Variants in COL24A1 observed in about 807,000 individuals in gnomAD.
COL24A1 encodes collagen alpha-1(XXIV) chain.
In COL24A1, 224 loss-of-function variants were observed where a neutral mutation model predicts 253.9. That is an observed-to-expected ratio of 0.88 (90% CI 0.79 to 0.99). The LOEUF (loss-of-function observed/expected upper bound fraction) is 0.99, where lower values mean the gene tolerates loss of function less well. Ranked by LOEUF, COL24A1 falls within the 50% of genes least tolerant of loss-of-function variation. COL24A1 has a pLI of 0.00. For missense variants in COL24A1, 2,131 were observed against 2,068.5 expected (o/e 1.03, Z -0.59); for synonymous variants, 685 against 673.7 (o/e 1.02, Z -0.26).
intron 14 of COL24A1, chr1:86,030,484 C>T (rs17406173): frequency 0.088 from 13,459 of 152,476 alleles, 713 homozygotes; most frequent in Middle Eastern, 0.19. Context: ...GTCTGTCTCA[C>T]ATTTCACAAA....
At chr1:86,098,425 G>T (rs1704178641) in intron 5 of COL24A1, among the ~76,000 whole-genome samples, 1 of 152,042 alleles carries the variant, frequency 6.6e-6, no homozygotes, top group Admixed American at 6.5e-5. Context: ...TTCATCCTTG[G>T]CTGACACTAA....
chr1:85,860,435 A>T (rs1241709775), intron 37 of COL24A1, among the ~76,000 whole-genome samples: 1 of 152,156 alleles, frequency 6.6e-6, no homozygotes, highest in Non-Finnish European at 1.5e-5. Flanking sequence ...TATTTAGGAC[A>T]TTTCATATAA....
chr1:85,740,837 C>T lies in COL24A1; in HGVS notation c.4673-3332G>A, dbSNP rs1224541682. Among the ~76,000 whole-genome samples the T allele has an allele frequency of 2.0e-5, 3 of 146,790 alleles. No homozygotes were observed. In the South Asian group the frequency reaches 7.0e-4, roughly 34 times the overall value. On this transcript the variant is annotated intron_variant, in intron 57 of 59. Transcript: ENST00000370571. Reference sequence around the variant, plus strand: ...AGAAGAATTATCCTAAGGCCGGGCACGGTGGCTCACGCCTGTAATCCCAGC... The same window carrying T: ...AGAAGAATTATCCTAAGGCCGGGCATGGTGGCTCACGCCTGTAATCCCAGC...
At position 85,864,612 on chromosome 1, in the gene COL24A1, T is replaced by G. The variant is rs549053728; in HGVS notation, c.3300+3907A>C. ...AAGAAACATATATCTTATCATTCTTTTCTAACTATTGATAATCTTCTCATC... is the reference window on the plus strand; with the variant it reads ...AAGAAACATATATCTTATCATTCTTGTCTAACTATTGATAATCTTCTCATC... On this transcript the variant is annotated intron_variant, in intron 37 of 59. Transcript: ENST00000370571. Among the ~76,000 whole-genome samples, 3 of 152,302 alleles carry G rather than the reference T, an allele frequency of 2.0e-5. No individual in the cohort carries two copies. In the South Asian group the frequency reaches 6.2e-4, roughly 32 times the overall value.
chr1:86,054,552 G>A (rs766483497), intron 10 of COL24A1, among the ~76,000 whole-genome samples: 18 of 151,814 alleles, frequency 1.2e-4, no homozygotes, highest in Middle Eastern at 3.2e-3. Flanking sequence ...AATGCTCAAC[G>A]TAACTAATCA....
intron 3 of COL24A1, among the ~76,000 whole-genome samples, chr1:86,124,489 G>T (rs1434244585): frequency 6.6e-6 from 1 of 151,612 alleles, no homozygotes; most frequent in Non-Finnish European, 1.5e-5. Flanking sequence ...ACATGACTAT[G>T]CATTCTCCTA....
At chr1:86,015,872 C>A (rs1335955750) in intron 19 of COL24A1, among the ~76,000 whole-genome samples, 1 of 145,424 alleles carries the variant, frequency 6.9e-6, no homozygotes, top group Non-Finnish European at 1.5e-5. Flanking sequence ...GTTTTGAAGA[C>A]TCTACTTTTT....
At chr1:86,105,228 C>A (rs2102077302) in intron 5 of COL24A1, among the ~76,000 whole-genome samples, 1 of 152,266 alleles carries the variant, frequency 6.6e-6, no homozygotes, top group Middle Eastern at 3.4e-3. Context: ...AGTGCACACA[C>A]ACCAGCTACA....
intron 11 of COL24A1, 23 bp downstream of exon 11, chr1:86,050,101 C>T (rs1439904874): frequency 6.2e-7 from 1 of 1,604,268 alleles, no homozygotes; most frequent in African/African-American, 1.3e-5. Context: ...TTTAGAAATA[C>T]TATTTGAAGG....
chr1:86,132,414 G>T (rs1231967793), intron 2 of COL24A1, among the ~76,000 whole-genome samples: 3 of 151,960 alleles, frequency 2.0e-5, no homozygotes, highest in African/African-American at 7.3e-5. Context: ...CATTGCTTTT[G>T]GTGTTTTAGA....
At chr1:85,953,248 A>C (rs1571350020) in intron 24 of COL24A1, among the ~76,000 whole-genome samples, 1 of 152,108 alleles carries the variant, frequency 6.6e-6, no homozygotes, top group Admixed American at 6.6e-5. Flanking sequence ...CCAAAATGCC[A>C]CCCCTCGACC....
At chr1:86,067,695 A>G (rs1418243747) in intron 7 of COL24A1, among the ~76,000 whole-genome samples, 3 of 152,196 alleles carry the variant, frequency 2.0e-5, no homozygotes, top group Admixed American at 6.5e-5. Context: ...ACTATTATAT[A>G]AAGACTTTCA....
chr1:85,841,366 A>G (rs1676595854), intron 41 of COL24A1, 88 bp from the exon 42 acceptor site: 1 of 903,834 alleles, frequency 1.1e-6, no homozygotes, highest in Admixed American at 2.9e-5. Flanking sequence ...AGTATATTAG[A>G]AAATGCAGTT....
Position 86,125,483 on chromosome 1 carries a change from T to C in COL24A1, c.853A>G (p.Thr285Ala). The change falls in exon 3 of 60, where the codon ACT becomes GCT. Residue 285 changes from threonine to alanine, a missense_variant. By Grantham distance (58) the Thr-to-Ala change is moderately conservative. Coordinates refer to ENST00000370571, the MANE Select transcript of COL24A1 (RefSeq NM_152890.7). ...AEKVLSEDTF[T>A]EGKSIPNIIK... The stretch of plus-strand genomic sequence containing the variant: ...ATATTTGGAATGCTTTTGCCTTCAG[T>C]AAATGTATCCTCTGACAGTACTTTT... 1 of 1,613,708 alleles carries C rather than the reference T, an allele frequency of 6.2e-7. No homozygotes were observed. The highest frequency in any genetic ancestry group is 8.5e-7 in the Non-Finnish European group (1 of 1,179,792).
chr1:86,068,939 A>G (rs1235515474), intron 7 of COL24A1, among the ~76,000 whole-genome samples: 1 of 152,170 alleles, frequency 6.6e-6, no homozygotes, highest in Non-Finnish European at 1.5e-5. Flanking sequence ...CCTGTTGACC[A>G]AAGAGCCCTT....
chr1:86,044,772 A>G (rs889506773), intron 12 of COL24A1, among the ~76,000 whole-genome samples: 58 of 152,316 alleles, frequency 3.8e-4, no homozygotes, highest in African/African-American at 1.3e-3. Context: ...AATTCATTAT[A>G]GTAGGAATAG....
chr1:85,907,208 G>C lies in COL24A1; in HGVS notation c.2764C>G (p.Pro922Ala). ...AGATTACTTACTCTTTGTCCTTTAG[G>C]ACCTTGACTCCCAGGTGGTCCTCTT... ...GARGPPGSQG[P>A]KGQRGSRGPD... The change falls in exon 28 of 60, where the codon CCT becomes GCT. Residue 922 changes from proline (P) to alanine (A), a missense_variant. Coordinates refer to ENST00000370571, the MANE Select transcript of COL24A1 (RefSeq NM_152890.7). 10 of 1,611,100 alleles carry C rather than the reference G, an allele frequency of 6.2e-6. No individual in the cohort carries two copies. Among genetic ancestry groups the C allele is most frequent in the Non-Finnish European group, 8.5e-6 (10 of 1,177,944 alleles).
intron 19 of COL24A1, among the ~76,000 whole-genome samples, chr1:85,998,691 G>A (rs897378278): frequency 4.6e-5 from 7 of 152,158 alleles, no homozygotes; most frequent in African/African-American, 1.4e-4. Flanking sequence ...AGGGCAGGAA[G>A]GAATGCGTAC....
chr1:85,877,667 G>A (rs1681340866), intron 32 of COL24A1, among the ~76,000 whole-genome samples: 1 of 151,944 alleles, frequency 6.6e-6, no homozygotes, highest in Non-Finnish European at 1.5e-5. Context: ...CCAGCTTCAT[G>A]TGTGTTTTTA....
Sources: gnomAD v4.1 joint callset for allele counts (sites outside exome capture counted in the v4.1 genomes callset) on GRCh38, gnomAD v4.1.1 for gene constraint, MANE v1.5 for transcripts, NCBI Gene and HGNC (gene_info 2026-07-23, HGNC 2026-07-21) for gene names.